C12orf42: variants seen among roughly 807,000 people sequenced by gnomAD.
C12orf42 encodes the protein chromosome 12 open reading frame 42.
In C12orf42, 25 loss-of-function variants were observed where a neutral mutation model predicts 21.6. The observed-to-expected ratio is 1.16, with a 90% CI of 0.84 to 1.62. C12orf42 has a LOEUF of 1.62. Ranked by LOEUF, C12orf42 falls within the 40% of genes most tolerant of loss-of-function variation. The pLI, the probability that C12orf42 is intolerant of heterozygous loss-of-function variation, is 0.00. For missense variants in C12orf42, 483 were observed against 459.3 expected (o/e 1.05, Z -0.47); for synonymous variants, 174 against 175.0 (o/e 0.99, Z 0.05).
the C12orf42 span, among the ~76,000 whole-genome samples, chr12:103,110,551 G>A: frequency 6.6e-6 from 1 of 152,006 alleles, no homozygotes; most frequent in African/African-American, 2.4e-5. Context: ...CTAAGTGGTG[G>A]GTACAAAGAA....
chr12:103,492,637 CAGT>C (rs1377570387), intron 1 of C12orf42, among the ~76,000 whole-genome samples: 1 of 152,080 alleles, frequency 6.6e-6, no homozygotes, highest in African/African-American at 2.4e-5. Flanking sequence ...TCAGTATTTC[CAGT>C]TCAGAGTCAG....
chr12:103,466,663 C>T (rs1953159201), intron 2 of C12orf42, among the ~76,000 whole-genome samples: 1 of 152,140 alleles, frequency 6.6e-6, no homozygotes, highest in Non-Finnish European at 1.5e-5. Context: ...CCATGTGGTA[C>T]ACTGATTGCA....
At chr12:103,499,291 T>C (rs75301041), upstream of C12orf42, among the ~76,000 whole-genome samples, 23 of 152,358 alleles carry the variant, frequency 1.5e-4, no homozygotes, top group East Asian at 4.2e-3. Context: ...TATGAGGTGA[T>C]GGATGTCCTC....
At chr12:103,085,386 C>T in the C12orf42 span, among the ~76,000 whole-genome samples, 1 of 152,150 alleles carries the variant, frequency 6.6e-6, no homozygotes, top group African/African-American at 2.4e-5. Flanking sequence ...TTTTTAAATT[C>T]ACCAATTTCC....
At chr12:103,080,594 A>AT in the C12orf42 span, among the ~76,000 whole-genome samples, 1 of 152,110 alleles carries the variant, frequency 6.6e-6, no homozygotes, top group African/African-American at 2.4e-5. Context: ...TTAGTTTTCT[A>AT]TTTTTTTAAT....
At chr12:103,474,637 A>G (rs1021837684) in intron 2 of C12orf42, among the ~76,000 whole-genome samples, 4 of 152,210 alleles carry the variant, frequency 2.6e-5, no homozygotes, top group African/African-American at 7.2e-5. Flanking sequence ...AACCAGAAAC[A>G]TAGCTCTGGC....
intron 3 of C12orf42, among the ~76,000 whole-genome samples, chr12:103,384,656 CCAAT>C (rs2046457758): frequency 6.6e-6 from 1 of 152,128 alleles, no homozygotes; most frequent in Non-Finnish European, 1.5e-5. Context: ...AAAGCATGAA[CCAAT>C]CAGAGACTAA....
the C12orf42 span, among the ~76,000 whole-genome samples, chr12:103,100,021 AT>A: frequency 0.01 from 1,572 of 152,256 alleles, 7 homozygotes; most frequent in South Asian, 0.019. Flanking sequence ...CACACCTGCA[AT>A]TTTTTTGTTT....
chr12:103,231,563 T>C, the C12orf42 span, among the ~76,000 whole-genome samples: 2 of 152,344 alleles, frequency 1.3e-5, no homozygotes, highest in East Asian at 3.9e-4. Flanking sequence ...TCATACAGTA[T>C]GCAGTTTTTC....
chr12:103,525,016 T>G, the C12orf42 span, among the ~76,000 whole-genome samples: 1 of 151,844 alleles, frequency 6.6e-6, no homozygotes. Flanking sequence ...GTTTTTTGTT[T>G]GTTTTGTTTT....
intron 2 of C12orf42, among the ~76,000 whole-genome samples, chr12:103,449,128 TAGAC>T (rs374259578): frequency 2.0e-5 from 3 of 148,726 alleles, no homozygotes; most frequent in Admixed American, 2.0e-4. Context: ...GATAGATAGA[TAGAC>T]AGACACCATG....
the C12orf42 span, among the ~76,000 whole-genome samples, chr12:103,140,834 A>G: frequency 6.6e-6 from 1 of 152,108 alleles, no homozygotes; most frequent in Non-Finnish European, 1.5e-5. Context: ...TGGGAGACAC[A>G]CACACACAGA....
At chr12:103,063,547 C>T in the C12orf42 span, among the ~76,000 whole-genome samples, 1 of 152,170 alleles carries the variant, frequency 6.6e-6, no homozygotes, top group South Asian at 2.1e-4. Context: ...CCCTCCCTGA[C>T]CCATGCTGCC....
chr12:103,162,489 T>C, the C12orf42 span, among the ~76,000 whole-genome samples: 1 of 149,840 alleles, frequency 6.7e-6, no homozygotes, highest in Non-Finnish European at 1.5e-5. Flanking sequence ...GGTACATAGA[T>C]GTCAAGCCAA....
chr12:103,557,017 T>C, the C12orf42 span, among the ~76,000 whole-genome samples: 3 of 152,022 alleles, frequency 2.0e-5, no homozygotes. Flanking sequence ...GCCAACACCT[T>C]GACTTCTGAA....
chr12:103,421,839 A>T (rs989003940), intron 2 of C12orf42, among the ~76,000 whole-genome samples: 1 of 152,178 alleles, frequency 6.6e-6, no homozygotes, highest in African/African-American at 2.4e-5. Context: ...TCAAGATAAC[A>T]ACTTTCCAGA....
chr12:103,356,557 G>A (rs929183808), intron 4 of C12orf42, among the ~76,000 whole-genome samples: 172 of 151,842 alleles, frequency 1.1e-3, no homozygotes, highest in Non-Finnish European at 2.2e-3. Flanking sequence ...GGATGGCTGG[G>A]TCAAATGGTA....
At chr12:103,534,428 G>A in the C12orf42 span, among the ~76,000 whole-genome samples, 11 of 152,092 alleles carry the variant, frequency 7.2e-5, no homozygotes, top group Non-Finnish European at 1.6e-4. Context: ...GGAATCCCCA[G>A]TACTACTTTC....
chr12:103,275,266 G>A (rs1374255648), intron 5 of C12orf42, among the ~76,000 whole-genome samples: 3 of 151,994 alleles, frequency 2.0e-5, no homozygotes, highest in Non-Finnish European at 4.4e-5. Flanking sequence ...GATAGAATTA[G>A]TAAAAAATTG....
Sources: gnomAD v4.1 joint callset for allele counts (sites outside exome capture counted in the v4.1 genomes callset) on GRCh38, gnomAD v4.1.1 for gene constraint, MANE v1.5 for transcripts, NCBI Gene and HGNC (gene_info 2026-07-23, HGNC 2026-07-21) for gene names.